The following DPYD variants were observed in gnomAD, a reference collection of about 807,000 sequenced individuals.
DPYD encodes dihydropyrimidine dehydrogenase.
Under a neutral mutation model 116.2 loss-of-function variants are expected in DPYD, and 109 were observed. That is an observed-to-expected ratio of 0.94 (90% CI 0.80 to 1.10). The LOEUF is 1.10. Among genes scored for constraint, DPYD ranks in the 50% least tolerant of loss-of-function variants. DPYD has a pLI of 0.00. For missense variants in DPYD, 1,302 were observed against 1,254.5 expected (o/e 1.04, Z -0.57); for synonymous variants, 440 against 432.0 (o/e 1.02, Z -0.23).
intron 14 of DPYD, among the ~76,000 whole-genome samples, chr1:97,388,142 A>T (rs1356138188): frequency 6.6e-6 from 1 of 152,074 alleles, no homozygotes; most frequent in Non-Finnish European, 1.5e-5. Context: ...GAAAAGTAGA[A>T]ATTAAGAATG....
intron 2 of DPYD, among the ~76,000 whole-genome samples, chr1:97,849,017 T>C (rs961875634): frequency 6.6e-6 from 1 of 152,118 alleles, no homozygotes; most frequent in African/African-American, 2.4e-5. Context: ...ATTGAGGCAT[T>C]GGTTATGATA....
chr1:97,722,725 T>C (rs1662991970), intron 4 of DPYD, among the ~76,000 whole-genome samples: 1 of 151,592 alleles, frequency 6.6e-6, no homozygotes, highest in Non-Finnish European at 1.5e-5. Flanking sequence ...AGAATACTGA[T>C]GATAACAAAA....
At chr1:97,564,689 C>T (rs968137156) in intron 11 of DPYD, among the ~76,000 whole-genome samples, 6 of 152,058 alleles carry the variant, frequency 3.9e-5, no homozygotes, top group African/African-American at 1.4e-4. Flanking sequence ...AGCTAGCTAC[C>T]CCACATCCAA....
intron 14 of DPYD, among the ~76,000 whole-genome samples, chr1:97,387,733 G>A (rs1031058969): frequency 2.0e-5 from 3 of 152,064 alleles, no homozygotes; most frequent in Non-Finnish European, 4.4e-5. Flanking sequence ...AACTGCAGGT[G>A]CAAAGACTGA....
In DPYD at chr1:97,859,292, T is replaced by A. The variant is rs77241615; in HGVS notation, c.150+23972A>T. On this transcript the variant is annotated intron_variant, in intron 2 of 22. Coordinates refer to ENST00000370192, the MANE Select transcript of DPYD (RefSeq NM_000110.4). ...TCAATAAAGAGCAGCGTATGGCAGATGCATCTGAAAGCAATAACTAATATT... is the reference window on the plus strand; with the variant it reads ...TCAATAAAGAGCAGCGTATGGCAGAAGCATCTGAAAGCAATAACTAATATT... Among the ~76,000 whole-genome samples, 138 of 152,290 alleles carry A rather than the reference T, an allele frequency of 9.1e-4. 1 individual carries two copies. Among genetic ancestry groups the A allele is most frequent in the East Asian group, 7.7e-4 (4 of 5,178 alleles).
At chr1:97,178,306 T>C (rs1657427738) in intron 20 of DPYD, among the ~76,000 whole-genome samples, 1 of 152,110 alleles carries the variant, frequency 6.6e-6, no homozygotes, top group Non-Finnish European at 1.5e-5. Flanking sequence ...TATTAGTCCA[T>C]TCTCAGACTG....
intron 5 of DPYD, among the ~76,000 whole-genome samples, chr1:97,711,756 A>G (rs892403203): frequency 6.7e-6 from 1 of 148,456 alleles, no homozygotes; most frequent in African/African-American, 2.4e-5. Flanking sequence ...AGAGTTTTTT[A>G]TTATTATTTT....
chr1:97,285,786 C>A (rs1665636717), intron 18 of DPYD, among the ~76,000 whole-genome samples: 1 of 151,480 alleles, frequency 6.6e-6, no homozygotes, highest in Non-Finnish European at 1.5e-5. Context: ...TAGGCTCAGG[C>A]AATTCTCCCA....
intron 19 of DPYD, among the ~76,000 whole-genome samples, chr1:97,227,526 T>C (rs1340438464): frequency 6.6e-6 from 1 of 151,878 alleles, no homozygotes; most frequent in Non-Finnish European, 1.5e-5. Context: ...CCTATAAATA[T>C]GTACACCTAC....
intron 19 of DPYD, among the ~76,000 whole-genome samples, chr1:97,210,660 A>AT: frequency 6.6e-6 from 1 of 152,192 alleles, no homozygotes; most frequent in East Asian, 1.9e-4. Flanking sequence ...TTGTACATGC[A>AT]TTTTCAGGCT....
intron 19 of DPYD, among the ~76,000 whole-genome samples, chr1:97,227,331 C>CAAAAAAAAAAAAAAAAAAAAAAAAAAA (rs60992225): frequency 1.1e-4 from 3 of 26,374 alleles, no homozygotes; most frequent in Non-Finnish European, 1.6e-4. Flanking sequence ...GACTCTATCT[C>CAAAAAAAAAAAAAAAAAAAAAAAAAAA]AAAAAAAAAA....
chr1:97,278,392 C>A (rs548967590), intron 18 of DPYD, among the ~76,000 whole-genome samples: 1 of 152,236 alleles, frequency 6.6e-6, no homozygotes, highest in South Asian at 2.1e-4. Flanking sequence ...CAGTTCAGGG[C>A]AGAACAACCA....
At chr1:97,310,639 T>G (rs144100514) in intron 16 of DPYD, among the ~76,000 whole-genome samples, 7 of 151,942 alleles carry the variant, frequency 4.6e-5, no homozygotes, top group Middle Eastern at 6.8e-3. Context: ...CATCTGTTTT[T>G]CTGACTTAAG....
chr1:97,815,587 G>A (rs567832358), intron 3 of DPYD, among the ~76,000 whole-genome samples: 155 of 152,318 alleles, frequency 1.0e-3, no homozygotes, highest in African/African-American at 3.5e-3. Context: ...CACTCTCACT[G>A]AACAGACAGC....
intron 2 of DPYD, among the ~76,000 whole-genome samples, chr1:97,840,213 G>C (rs2101531066): frequency 6.6e-6 from 1 of 151,894 alleles, no homozygotes; most frequent in South Asian, 2.1e-4. Context: ...ATAAAGTATT[G>C]AAAATTATAA....
chr1:97,186,646 C>A (rs902397893), intron 20 of DPYD, among the ~76,000 whole-genome samples: 1 of 152,018 alleles, frequency 6.6e-6, no homozygotes, highest in Non-Finnish European at 1.5e-5. Context: ...GTGAGGAGTT[C>A]GAGAACAGCC....
chr1:97,811,573 A>G (rs181278811), intron 3 of DPYD, among the ~76,000 whole-genome samples: 2 of 152,220 alleles, frequency 1.3e-5, no homozygotes, highest in East Asian at 3.9e-4. Context: ...AACCTCTAAA[A>G]TGTCATAGAT....
intron 8 of DPYD, among the ~76,000 whole-genome samples, chr1:97,612,077 C>T (rs1027373835): frequency 3.3e-5 from 5 of 151,926 alleles, no homozygotes; most frequent in Non-Finnish European, 5.9e-5. Flanking sequence ...AGGATGTATC[C>T]TATTTCCACA....
intron 14 of DPYD, among the ~76,000 whole-genome samples, chr1:97,406,127 T>C (rs1298828046): frequency 6.6e-6 from 1 of 151,992 alleles, no homozygotes. Flanking sequence ...TGGATCCTGA[T>C]GTGGTTTCCG....
Sources: allele counts gnomAD v4.1 joint callset (sites outside exome capture counted in the v4.1 genomes callset), GRCh38; gene constraint gnomAD v4.1.1; transcripts MANE v1.5; gene names NCBI Gene and HGNC (gene_info 2026-07-23, HGNC 2026-07-21).